DEFB123: variants seen among roughly 807,000 people sequenced by gnomAD.
DEFB123 encodes the protein beta-defensin 123.
For missense variants in DEFB123, 71 were observed against 75.0 expected (o/e 0.95, Z 0.20); for synonymous variants, 22 against 28.3 (o/e 0.78, Z 0.71).
At chr20:31,440,863 T>C in intron 1 of DEFB123, 107 bp downstream of exon 1, 1 of 1,375,888 alleles carries the variant, frequency 7.3e-7, no homozygotes. Context: ...TAGCACCACG[T>C]ATAGGAGGCA....
chr20:31,447,551 T>TA (rs1477894816), intron 1 of DEFB123, among the ~76,000 whole-genome samples: 2 of 151,954 alleles, frequency 1.3e-5, no homozygotes, highest in African/African-American at 4.8e-5. Context: ...TTCCTTTTAT[T>TA]ACTTTAAAGA....
At position 31,447,780 on chromosome 20, in the gene DEFB123, C is replaced by CTTTTTTT. The variant is rs34763122; in HGVS notation, c.59-2231_59-2225dup. Among the ~76,000 whole-genome samples the CTTTTTTT allele has an allele frequency of 2.5e-3, 159 of 64,494 alleles. 11 individuals are homozygous for CTTTTTTT. The highest frequency in any genetic ancestry group is 9.2e-3 in the African/African-American group (137 of 14,946). The allele number at this position is 64,494 out of a possible 152,430, so 42.3% of individuals were successfully genotyped here. A position where few individuals can be genotyped will look rare whatever the true frequency, so the allele number is the denominator to read the frequency against. Reference sequence around the variant, plus strand: ...TACAGGTGCACACCAACACACCCGGCTTTTTTTTTTTTTTTTTTTTTTTTG... The same window carrying CTTTTTTT: ...TACAGGTGCACACCAACACACCCGGCTTTTTTTTTTTTTTTTTTTTTTTTTTTTTTTG... On this transcript the variant is annotated intron_variant, in intron 1 of 1. Transcript: ENST00000376309.
chr20:31,441,438 G>A (rs1979460686), intron 1 of DEFB123, among the ~76,000 whole-genome samples: 1 of 152,140 alleles, frequency 6.6e-6, no homozygotes, highest in Admixed American at 6.6e-5. Flanking sequence ...CTATGCAAAG[G>A]TTGGATGCGG....
At chr20:31,449,787 A>G (rs1460097696) in intron 1 of DEFB123, among the ~76,000 whole-genome samples, 7 of 149,872 alleles carry the variant, frequency 4.7e-5, no homozygotes, top group Non-Finnish European at 1.0e-4. Context: ...AAAAAAAAAA[A>G]AAAAAGACAA....
intron 1 of DEFB123, among the ~76,000 whole-genome samples, chr20:31,444,515 C>T (rs1979537122): frequency 6.6e-6 from 1 of 152,040 alleles, no homozygotes; most frequent in South Asian, 2.1e-4. Flanking sequence ...AAAGGAATTG[C>T]TAGGTAAAGA....
intron 1 of DEFB123, among the ~76,000 whole-genome samples, chr20:31,442,424 G>A (rs368070561): frequency 6.6e-6 from 1 of 152,030 alleles, no homozygotes; most frequent in Non-Finnish European, 1.5e-5. Context: ...GGTAGAACTG[G>A]GAACAAAACA....
At chr20:31,440,881 C>T (rs970556267) in intron 1 of DEFB123, 125 bp downstream of exon 1, 122 of 1,125,430 alleles carry the variant, frequency 1.1e-4, no homozygotes, top group Non-Finnish European at 1.5e-4. Flanking sequence ...GCAGGAGGCG[C>T]CTCACCAGCA....
intron 1 of DEFB123, among the ~76,000 whole-genome samples, chr20:31,441,842 C>G (rs879811149): frequency 1.3e-5 from 2 of 152,218 alleles, no homozygotes; most frequent in Non-Finnish European, 2.9e-5. Flanking sequence ...CCATCATTTT[C>G]TGACTCTGTG....
At chr20:31,442,744 G>A (rs1979497766) in intron 1 of DEFB123, among the ~76,000 whole-genome samples, 1 of 151,898 alleles carries the variant, frequency 6.6e-6, no homozygotes, top group South Asian at 2.1e-4. Context: ...AAGTAACTGG[G>A]ATTACAGGCG....
At chr20:31,445,592 T>G (rs935873697) in intron 1 of DEFB123, among the ~76,000 whole-genome samples, 1 of 152,156 alleles carries the variant, frequency 6.6e-6, no homozygotes, top group Non-Finnish European at 1.5e-5. Context: ...CAGTCTGGAG[T>G]GCAGTGGCGT....
chr20:31,447,780 CTTTTTTTTTTTT>C (rs34763122), intron 1 of DEFB123, among the ~76,000 whole-genome samples: 1 of 64,492 alleles, frequency 1.6e-5, no homozygotes, highest in Non-Finnish European at 2.6e-5. Flanking sequence ...ACACACCCGG[CTTTTTTTTTTTT>C]TTTTTTTTTT....
intron 1 of DEFB123, among the ~76,000 whole-genome samples, chr20:31,441,005 G>A (rs377251391): frequency 6.6e-5 from 10 of 152,316 alleles, no homozygotes; most frequent in African/African-American, 2.4e-4. Flanking sequence ...CCTAGTGTGT[G>A]AGGAGGAGTG....
At chr20:31,448,714 TA>T (rs1979655028) in intron 1 of DEFB123, among the ~76,000 whole-genome samples, 1 of 151,796 alleles carries the variant, frequency 6.6e-6, no homozygotes, top group Non-Finnish European at 1.5e-5. Context: ...TACATATATA[TA>T]TTTTTTTTTC....
At chr20:31,441,296 C>T (rs1311704697) in intron 1 of DEFB123, among the ~76,000 whole-genome samples, 2 of 152,082 alleles carry the variant, frequency 1.3e-5, no homozygotes, top group Non-Finnish European at 2.9e-5. Context: ...GGGCTGGGTA[C>T]ACATGGTCCA....
At position 31,450,018 on chromosome 20, in the gene DEFB123, C is replaced by T. The variant is rs1295107892; in HGVS notation, c.59-11C>T. Reference sequence around the variant, plus strand: ...ACTGATACTGTCTCCCTTCTTTCTGCTTTGTGTCAGGTGGCACCCAAAGAT... The same window carrying T: ...ACTGATACTGTCTCCCTTCTTTCTGTTTTGTGTCAGGTGGCACCCAAAGAT... On this transcript the variant is annotated splice_polypyrimidine_tract_variant and intron_variant, in intron 1 of 1. Transcript: ENST00000376309. 1.7e-5 allele frequency: 27 copies of T among 1,603,634 alleles called. 1 individual carries two copies. The Admixed American group carries it at 4.3e-4, about 26-fold the overall frequency.
At chr20:31,445,476 C>T (rs1287039369) in intron 1 of DEFB123, among the ~76,000 whole-genome samples, 1 of 152,130 alleles carries the variant, frequency 6.6e-6, no homozygotes, top group Non-Finnish European at 1.5e-5. Flanking sequence ...GATGATTTTT[C>T]TTTATTTATG....
intron 1 of DEFB123, among the ~76,000 whole-genome samples, chr20:31,449,582 T>C (rs1390386453): frequency 6.6e-6 from 1 of 151,976 alleles, no homozygotes; most frequent in Non-Finnish European, 1.5e-5. Flanking sequence ...TAGTTTCCTC[T>C]TGCACATGCA....
intron 1 of DEFB123, among the ~76,000 whole-genome samples, chr20:31,446,985 C>A (rs919015684): frequency 6.7e-6 from 1 of 149,004 alleles, no homozygotes; most frequent in Non-Finnish European, 1.5e-5. Context: ...AAAATAGGCC[C>A]GGCGCGGTGG....
intron 1 of DEFB123, among the ~76,000 whole-genome samples, chr20:31,442,435 A>T (rs6059357): frequency 6.6e-6 from 1 of 151,962 alleles, no homozygotes; most frequent in African/African-American, 2.4e-5. Context: ...GAACAAAACA[A>T]GATAAGCAAA....
Sources: allele counts gnomAD v4.1 joint callset (sites outside exome capture counted in the v4.1 genomes callset), GRCh38; gene constraint gnomAD v4.1.1; transcripts MANE v1.5; gene names NCBI Gene and HGNC (gene_info 2026-07-23, HGNC 2026-07-21).